The following FBXO4 variants were observed in gnomAD, a reference collection of about 807,000 sequenced individuals.
FBXO4 encodes F-box protein 4.
A neutral mutation model predicts 43.7 loss-of-function variants in FBXO4; 36 were observed. That is an observed-to-expected ratio of 0.82 (90% confidence interval 0.63 to 1.09). The LOEUF (loss-of-function observed/expected upper bound fraction) is 1.09, where lower values mean the gene tolerates loss of function less well. FBXO4 is among the 50% of genes least tolerant of loss of function. FBXO4 has a pLI of 0.00. For missense variants in FBXO4, 435 were observed against 474.1 expected (o/e 0.92, Z 0.77); for synonymous variants, 180 against 165.6 (o/e 1.09, Z -0.67).
the FBXO4 span, among the ~76,000 whole-genome samples, chr5:41,982,598 T>C: frequency 3.9e-5 from 6 of 152,260 alleles, no homozygotes; most frequent in African/African-American, 1.2e-4. Flanking sequence ...ATTATTTATA[T>C]AAATATTTAT....
the FBXO4 span, among the ~76,000 whole-genome samples, chr5:41,951,081 A>G: frequency 1.3e-5 from 2 of 152,150 alleles, no homozygotes; most frequent in Non-Finnish European, 1.5e-5. Flanking sequence ...GGGCTAAGGG[A>G]GGGATAGCAT....
the FBXO4 span, among the ~76,000 whole-genome samples, chr5:42,005,905 T>C: frequency 2.0e-5 from 3 of 152,100 alleles, no homozygotes; most frequent in Admixed American, 6.6e-5. Flanking sequence ...TGCCTATCAG[T>C]AACTTTTCAA....
the FBXO4 span, among the ~76,000 whole-genome samples, chr5:41,982,948 T>G: frequency 6.6e-5 from 10 of 152,182 alleles, no homozygotes; most frequent in South Asian, 4.1e-4. Flanking sequence ...AACTCCCATT[T>G]ATAAGTGAGA....
chr5:41,991,792 C>T, the FBXO4 span, among the ~76,000 whole-genome samples: 1 of 152,126 alleles, frequency 6.6e-6, no homozygotes, highest in Admixed American at 6.5e-5. Context: ...ATTTATATAC[C>T]TTCCGGCCGG....
chr5:42,022,316 A>G, the FBXO4 span, among the ~76,000 whole-genome samples: 1 of 152,154 alleles, frequency 6.6e-6, no homozygotes, highest in African/African-American at 2.4e-5. Flanking sequence ...CAATTTTATT[A>G]TTGGGCAAAG....
At chr5:41,940,214 G>A (rs1751969625) in intron 6 of FBXO4, among the ~76,000 whole-genome samples, 1 of 151,612 alleles carries the variant, frequency 6.6e-6, no homozygotes, top group South Asian at 2.1e-4. Context: ...ATGCTTTATG[G>A]ATCATCAAAG....
At chr5:41,933,429 G>A (rs372340887) in intron 3 of FBXO4, among the ~76,000 whole-genome samples, 3 of 152,164 alleles carry the variant, frequency 2.0e-5, no homozygotes, top group Middle Eastern at 3.4e-3. Context: ...TGTTGTCTAG[G>A]TTGGTCTTGA....
At chr5:41,959,773 T>C in the FBXO4 span, among the ~76,000 whole-genome samples, 1 of 152,184 alleles carries the variant, frequency 6.6e-6, no homozygotes, top group Non-Finnish European at 1.5e-5. Flanking sequence ...AATTCTCTAG[T>C]AGATTTTGAA....
chr5:41,961,584 G>C, the FBXO4 span, among the ~76,000 whole-genome samples: 1 of 152,194 alleles, frequency 6.6e-6, no homozygotes, highest in African/African-American at 2.4e-5. Context: ...GGGAGCACAG[G>C]CTTATGCAGA....
At position 41,941,232 on chromosome 5, in the gene FBXO4, A is replaced by G; in HGVS notation, c.1115A>G (p.Asn372Ser). The change falls in exon 7 of 7, where the codon AAT becomes AGT. Residue 372 changes from asparagine to serine, a missense_variant. By Grantham distance (46) the Asn-to-Ser change is conservative. Transcript: ENST00000281623. ...TEAETLTGFL[N>S]GIEWILEEVE... is the part of the protein sequence containing the mutation. The stretch of plus-strand genomic sequence containing the variant: ...GCTGAAACTCTGACTGGTTTTTTGA[A>G]TGGCATTGAGTGGATTCTTGAAGAA... The G allele has an allele frequency of 6.2e-7, 1 of 1,613,826 alleles. No individual in the cohort carries two copies. Among genetic ancestry groups the G allele is most frequent in the Non-Finnish European group, 8.5e-7 (1 of 1,179,818 alleles).
the FBXO4 span, among the ~76,000 whole-genome samples, chr5:41,985,157 A>G: frequency 6.6e-6 from 1 of 152,174 alleles, no homozygotes; most frequent in Non-Finnish European, 1.5e-5. Context: ...TTCTATCGTC[A>G]AATCAGAGTA....
chr5:41,940,664 C>T (rs1014470326), intron 6 of FBXO4, among the ~76,000 whole-genome samples: 73 of 152,166 alleles, frequency 4.8e-4, no homozygotes, highest in Non-Finnish European at 6.5e-4. Flanking sequence ...AAACCTTTTG[C>T]GGAAAAAGTA....
chr5:41,995,817 T>C, the FBXO4 span, among the ~76,000 whole-genome samples: 2 of 152,210 alleles, frequency 1.3e-5, no homozygotes, highest in African/African-American at 4.8e-5. Flanking sequence ...CAAACCATTC[T>C]CTACAGCCCA....
chr5:41,997,476 T>G, the FBXO4 span, among the ~76,000 whole-genome samples: 1 of 152,196 alleles, frequency 6.6e-6, no homozygotes, highest in Non-Finnish European at 1.5e-5. Flanking sequence ...CCCACCATAA[T>G]AGCCCTCACC....
At chr5:42,017,869 T>C in the FBXO4 span, among the ~76,000 whole-genome samples, 1 of 152,040 alleles carries the variant, frequency 6.6e-6, no homozygotes, top group African/African-American at 2.4e-5. Context: ...ATTGATTCCA[T>C]CATGTTGCTA....
At chr5:42,036,905 T>A in the FBXO4 span, among the ~76,000 whole-genome samples, 1 of 152,174 alleles carries the variant, frequency 6.6e-6, no homozygotes, top group Non-Finnish European at 1.5e-5. Context: ...GTCTGAGATG[T>A]CTAGGGAATA....
the FBXO4 span, among the ~76,000 whole-genome samples, chr5:42,001,214 GTCATTCAT>G: frequency 5.9e-5 from 8 of 136,142 alleles, 1 homozygote; most frequent in East Asian, 9.7e-4. Context: ...TGAAAACATT[GTCATTCAT>G]TCATTCATTC....
chr5:41,991,713 A>G, the FBXO4 span, among the ~76,000 whole-genome samples: 1 of 152,200 alleles, frequency 6.6e-6, no homozygotes, highest in Non-Finnish European at 1.5e-5. Flanking sequence ...AGGTGATTTT[A>G]TCTCCTAATC....
the FBXO4 span, among the ~76,000 whole-genome samples, chr5:42,025,372 T>A: frequency 2.0e-5 from 3 of 152,016 alleles, no homozygotes; most frequent in Admixed American, 1.3e-4. Context: ...AAATGCCTAT[T>A]CAGATCTTTT....
Sources: gnomAD v4.1 joint callset for allele counts (sites outside exome capture counted in the v4.1 genomes callset) on GRCh38, gnomAD v4.1.1 for gene constraint, MANE v1.5 for transcripts, NCBI Gene and HGNC (gene_info 2026-07-23, HGNC 2026-07-21) for gene names.